TSHZ2: variants seen among roughly 807,000 people sequenced by gnomAD.
TSHZ2 encodes the protein teashirt homolog 2.
TSHZ2 carries 21 observed loss-of-function variants against 74.4 expected under a neutral mutation model. That is an observed-to-expected ratio of 0.28 (90% CI 0.20 to 0.41). The LOEUF (loss-of-function observed/expected upper bound fraction) is 0.41. Among genes scored for constraint, TSHZ2 ranks in the 10% least tolerant of loss-of-function variants. The pLI is 1.00. For synonymous variants in TSHZ2, 540 were observed against 515.3 expected, an observed-to-expected ratio of 1.05 and a Z score of -0.65; for missense variants, 1,244 against 1,293.5, an observed-to-expected ratio of 0.96 and a Z score of 0.59.
chr20:53,052,271 G>A lies in TSHZ2; in HGVS notation c.40+78938G>A, dbSNP rs997665263. Among the ~76,000 whole-genome samples the A allele has an allele frequency of 6.6e-5, 10 of 152,138 alleles. No homozygotes were observed. In the East Asian group the frequency reaches 1.9e-3, roughly 29 times the overall value. ...TGACTGGCTTATTTCACTTAGCACA[G>A]GGGTCCTCAACCCCTGAGCTGCGGG... is the stretch of plus-strand genomic sequence containing the variant. On this transcript the variant is annotated intron_variant, in intron 1 of 2. Transcript: ENST00000371497.
chr20:53,435,699 G>A (rs533440529), intron 2 of TSHZ2, among the ~76,000 whole-genome samples: 3 of 152,148 alleles, frequency 2.0e-5, no homozygotes, highest in East Asian at 3.9e-4. Flanking sequence ...ATTTTTAGTA[G>A]AGACGTGGAT....
chr20:53,057,183 G>A lies in TSHZ2; in HGVS notation c.40+83850G>A, dbSNP rs1355111136. On this transcript the variant is annotated intron_variant, in intron 1 of 2. Coordinates refer to ENST00000371497, the MANE Select transcript of TSHZ2 (RefSeq NM_173485.6). ...CCCAGCCATGTGGAACTGTGAGTCT[G>A]TTAAACCTCTTTTTCTTTGTAAATT... Among the ~76,000 whole-genome samples, 3 of 152,176 alleles carry A rather than the reference G, an allele frequency of 2.0e-5. No individual in the cohort carries two copies. The East Asian group carries it at 5.8e-4, about 29-fold the overall frequency.
intron 1 of TSHZ2, among the ~76,000 whole-genome samples, chr20:53,235,146 G>C (rs1204546416): frequency 9.9e-5 from 13 of 131,436 alleles, no homozygotes; most frequent in South Asian, 9.0e-4. Context: ...GCGGGGGGGG[G>C]GGAATGGGGG....
intron 1 of TSHZ2, among the ~76,000 whole-genome samples, chr20:53,138,402 A>C (rs568253262): frequency 2.0e-5 from 3 of 152,030 alleles, no homozygotes; most frequent in Admixed American, 6.5e-5. Context: ...AAAAAAAAAA[A>C]AAAACAATAC....
intron 2 of TSHZ2, among the ~76,000 whole-genome samples, chr20:53,298,791 CCTT>C: frequency 6.6e-6 from 1 of 152,186 alleles, no homozygotes; most frequent in Admixed American, 6.5e-5. Context: ...TAGTCTCCCT[CCTT>C]CTTAATCAAG....
At chr20:53,427,140 T>G (rs1390086129) in intron 2 of TSHZ2, among the ~76,000 whole-genome samples, 1 of 152,192 alleles carries the variant, frequency 6.6e-6, no homozygotes, top group African/African-American at 2.4e-5. Flanking sequence ...TAGGGATGGA[T>G]TCTGCTTGTC....
At chr20:53,061,168 C>T (rs906224069) in intron 1 of TSHZ2, among the ~76,000 whole-genome samples, 5 of 152,094 alleles carry the variant, frequency 3.3e-5, no homozygotes, top group African/African-American at 1.2e-4. Flanking sequence ...TTTTTTGAAG[C>T]TTCAGATATT....
chr20:53,173,673 T>A (rs1375743069), intron 1 of TSHZ2, among the ~76,000 whole-genome samples: 1 of 151,944 alleles, frequency 6.6e-6, no homozygotes, highest in Non-Finnish European at 1.5e-5. Flanking sequence ...GGTATATTGT[T>A]AAATGAAACA....
chr20:53,383,856 T>G (rs1981946545), intron 2 of TSHZ2, among the ~76,000 whole-genome samples: 2 of 152,206 alleles, frequency 1.3e-5, no homozygotes, highest in Admixed American at 1.3e-4. Flanking sequence ...GCTTGCTAAT[T>G]ATTTCAATCC....
At position 53,201,132 on chromosome 20, in the gene TSHZ2, CAA is replaced by C. The variant is rs200057564; in HGVS notation, c.41-52365_41-52364del. ...ACTTCTAAGAACAATGGGAAATTATCAAAGAGTTCTGAGCAGAGTAAACTCAT... is the reference window on the plus strand; with the variant it reads ...ACTTCTAAGAACAATGGGAAATTATCAGAGTTCTGAGCAGAGTAAACTCAT... On this transcript the variant is annotated intron_variant, in intron 1 of 2. Transcript: ENST00000371497. Among the ~76,000 whole-genome samples the C allele has an allele frequency of 1.1e-3, 168 of 152,096 alleles. 1 individual carries two copies. In the East Asian group the frequency reaches 0.029, roughly 26 times the overall value.
chr20:53,141,151 TG>T (rs1431260062), intron 1 of TSHZ2, among the ~76,000 whole-genome samples: 1 of 152,172 alleles, frequency 6.6e-6, no homozygotes, highest in African/African-American at 2.4e-5. Flanking sequence ...GTGAGCCACG[TG>T]GGTACCACTG....
intron 1 of TSHZ2, among the ~76,000 whole-genome samples, chr20:53,100,284 GA>G (rs1245307866): frequency 6.6e-6 from 1 of 152,112 alleles, no homozygotes; most frequent in African/African-American, 2.4e-5. Flanking sequence ...TCTAACAAGG[GA>G]AGTTCCTTTG....
At chr20:53,075,987 T>C (rs1358664330) in intron 1 of TSHZ2, among the ~76,000 whole-genome samples, 2 of 152,212 alleles carry the variant, frequency 1.3e-5, no homozygotes, top group Non-Finnish European at 2.9e-5. Context: ...GACCTCGCTT[T>C]CCTCACTTCT....
intron 1 of TSHZ2, among the ~76,000 whole-genome samples, chr20:53,083,775 T>C (rs1312154656): frequency 6.6e-6 from 1 of 152,244 alleles, no homozygotes; most frequent in Non-Finnish European, 1.5e-5. Context: ...TCTGTTTCTG[T>C]TTTTACTGGA....
chr20:53,455,636 A>G (rs1985036189), intron 2 of TSHZ2, among the ~76,000 whole-genome samples: 1 of 152,116 alleles, frequency 6.6e-6, no homozygotes, highest in South Asian at 2.1e-4. Context: ...ATACGTATAC[A>G]TGTGCCATGC....
intron 2 of TSHZ2, among the ~76,000 whole-genome samples, chr20:53,362,347 A>G (rs984798263): frequency 2.6e-5 from 4 of 151,432 alleles, no homozygotes; most frequent in African/African-American, 9.7e-5. Flanking sequence ...ACCACGCCTG[A>G]CTAATTTTTT....
chr20:53,129,540 A>G (rs1488090248), intron 1 of TSHZ2, among the ~76,000 whole-genome samples: 1 of 152,212 alleles, frequency 6.6e-6, no homozygotes, highest in Non-Finnish European at 1.5e-5. Context: ...AAGTGGATGT[A>G]ACTATAGATA....
At chr20:53,184,439 C>A (rs1312991047) in intron 1 of TSHZ2, among the ~76,000 whole-genome samples, 2 of 152,034 alleles carry the variant, frequency 1.3e-5, no homozygotes, top group African/African-American at 4.8e-5. Context: ...GCATTTTACT[C>A]CTTTTTAAAA....
chr20:53,010,081 C>A (rs773575317), intron 1 of TSHZ2, among the ~76,000 whole-genome samples: 1 of 152,114 alleles, frequency 6.6e-6, no homozygotes, highest in East Asian at 1.9e-4. Flanking sequence ...CTACCATTTT[C>A]TCCTCATCCT....
Sources: gnomAD v4.1 joint callset for allele counts (sites outside exome capture counted in the v4.1 genomes callset) on GRCh38, gnomAD v4.1.1 for gene constraint, MANE v1.5 for transcripts, NCBI Gene and HGNC (gene_info 2026-07-23, HGNC 2026-07-21) for gene names.